The following NAALADL2 variants were observed in gnomAD, a reference collection of about 807,000 sequenced individuals.
NAALADL2 encodes the protein N-acetylated alpha-linked acidic dipeptidase like 2.
Under a neutral mutation model 87.2 loss-of-function variants are expected in NAALADL2, and 76 were observed. The observed-to-expected ratio is 0.87, with a 90% CI of 0.72 to 1.05. The LOEUF (loss-of-function observed/expected upper bound fraction) is 1.05, where lower values mean the gene tolerates loss of function less well. NAALADL2 is among the 50% of genes least tolerant of loss of function. The pLI is 0.00. For synonymous variants in NAALADL2, 354 were observed against 331.0 expected, an observed-to-expected ratio of 1.07 and a Z score of -0.75; for missense variants, 1,089 against 945.8, an observed-to-expected ratio of 1.15 and a Z score of -1.99.
At chr3:175,753,356 T>A (rs561747162) in intron 12 of NAALADL2, among the ~76,000 whole-genome samples, 1 of 152,314 alleles carries the variant, frequency 6.6e-6, no homozygotes, top group East Asian at 1.9e-4. Flanking sequence ...ATAAAACTAC[T>A]TATCTCTTTA....
chr3:175,362,794 C>T (rs7619963), intron 5 of NAALADL2, among the ~76,000 whole-genome samples: 3,236 of 147,918 alleles, frequency 0.022, 298 homozygotes, highest in African/African-American at 0.076. Context: ...TTTGCATTCC[C>T]GCCAGCAGTG....
At chr3:175,708,221 C>T (rs1297071412) in intron 11 of NAALADL2, among the ~76,000 whole-genome samples, 3 of 152,034 alleles carry the variant, frequency 2.0e-5, no homozygotes, top group Non-Finnish European at 2.9e-5. Context: ...TAGAAGTGAT[C>T]TTAAGAACAA....
At chr3:174,902,174 CT>C (rs1428866220) in intron 1 of NAALADL2, among the ~76,000 whole-genome samples, 4 of 152,100 alleles carry the variant, frequency 2.6e-5, no homozygotes, top group African/African-American at 9.7e-5. Context: ...TAGCTAAACC[CT>C]TTTGTCCCAT....
intron 3 of NAALADL2, among the ~76,000 whole-genome samples, chr3:174,787,478 G>T (rs1288292228): frequency 1.3e-5 from 2 of 148,676 alleles, no homozygotes; most frequent in African/African-American, 2.5e-5. Flanking sequence ...AACAGGATTT[G>T]CCAGGAATAA....
intron 1 of NAALADL2, among the ~76,000 whole-genome samples, chr3:174,972,016 A>G (rs1743747580): frequency 6.6e-6 from 1 of 151,996 alleles, no homozygotes; most frequent in African/African-American, 2.4e-5. Context: ...TTTCACCTAC[A>G]TAACATACTA....
rs1719884693 is a variant in NAALADL2, at chr3:174,611,567, T to G, written c.-115+60930T>G. 2.0e-5 allele frequency among the ~76,000 whole-genome samples: 3 copies of G among 152,196 alleles called. No homozygotes were observed. The South Asian group carries it at 6.2e-4, about 32-fold the overall frequency. ...TGCACTTACTATTGCCCATGAGTTT[T>G]GTAGCTTCGATTATTTCTTTTTTGT... On this transcript the variant is annotated intron_variant, in intron 2 of 3. Coordinates refer to the NAALADL2 transcript ENST00000434257.
intron 2 of NAALADL2, among the ~76,000 whole-genome samples, chr3:174,675,146 C>T (rs1328012375): frequency 6.6e-6 from 1 of 152,008 alleles, no homozygotes; most frequent in African/African-American, 2.4e-5. Context: ...ATATGAACTT[C>T]AAGAGATGGT....
intron 2 of NAALADL2, among the ~76,000 whole-genome samples, chr3:175,120,316 T>G (rs748609970): frequency 1.3e-5 from 2 of 151,828 alleles, no homozygotes; most frequent in Admixed American, 6.6e-5. Context: ...TATGTTTTTC[T>G]GGCATTAAAA....
At chr3:175,380,451 G>T (rs1482607409) in intron 5 of NAALADL2, among the ~76,000 whole-genome samples, 1 of 151,908 alleles carries the variant, frequency 6.6e-6, no homozygotes, top group African/African-American at 2.4e-5. Context: ...TACCATTTAG[G>T]TCTCATTTTT....
intron 2 of NAALADL2, among the ~76,000 whole-genome samples, chr3:174,655,761 A>C (rs940215851): frequency 5.9e-5 from 9 of 152,302 alleles, no homozygotes; most frequent in African/African-American, 2.2e-4. Context: ...TACTGTCTAT[A>C]TTTAGCTATT....
intron 3 of NAALADL2, among the ~76,000 whole-genome samples, chr3:174,786,075 C>A (rs191936313): frequency 5.9e-5 from 9 of 152,176 alleles, no homozygotes; most frequent in Admixed American, 5.9e-4. Flanking sequence ...CAGGGCACAG[C>A]CAGGAACTCT....
intron 11 of NAALADL2, among the ~76,000 whole-genome samples, chr3:175,698,475 A>G (rs905429005): frequency 1.3e-4 from 14 of 110,770 alleles, no homozygotes; most frequent in African/African-American, 4.0e-4. Context: ...ATATGTGTGT[A>G]TATATATTTA....
chr3:174,610,978 T>C (rs370721744), intron 2 of NAALADL2, among the ~76,000 whole-genome samples: 12 of 152,088 alleles, frequency 7.9e-5, no homozygotes, highest in Non-Finnish European at 1.5e-5. Flanking sequence ...TGGAATACTA[T>C]GCAGCCATAA....
intron 5 of NAALADL2, among the ~76,000 whole-genome samples, chr3:175,340,577 C>G (rs1166269498): frequency 6.6e-6 from 1 of 152,138 alleles, no homozygotes; most frequent in African/African-American, 2.4e-5. Flanking sequence ...GAAGGCAGTT[C>G]TCAGCAGGGA....
intron 1 of NAALADL2, among the ~76,000 whole-genome samples, chr3:175,011,922 T>C (rs550021065): frequency 6.6e-6 from 1 of 152,244 alleles, no homozygotes; most frequent in East Asian, 1.9e-4. Context: ...TGTTAAAGCA[T>C]GCAAAAACTG....
rs561492737 is a variant in NAALADL2, at chr3:175,419,223, AG to A, written c.1091-28003del. 2.3e-3 allele frequency among the ~76,000 whole-genome samples: 343 copies of A among 151,992 alleles called. 1 individual carries two copies. Among genetic ancestry groups the A allele is most frequent in the African/African-American group, 7.9e-3 (327 of 41,506 alleles). On this transcript the variant is annotated intron_variant, in intron 5 of 13. Coordinates refer to ENST00000454872, the MANE Select transcript of NAALADL2 (RefSeq NM_207015.3). ...GTATCCTTCTCAGTTGCATATGACA[AG>A]GGTTTTTGAAATTCTTGTCCTGAAG...
At chr3:175,096,495 CGTGTGTGTGTGTGTGTGTGT>C (rs3067035) in intron 1 of NAALADL2, among the ~76,000 whole-genome samples, 3 of 143,228 alleles carry the variant, frequency 2.1e-5, no homozygotes, top group East Asian at 4.2e-4. Flanking sequence ...ATTAATGGGG[CGTGTGTGTGTGTGTGTGTGT>C]GTGTGTGTGT....
chr3:175,137,354 A>G (rs1729263728), intron 2 of NAALADL2, among the ~76,000 whole-genome samples: 1 of 152,120 alleles, frequency 6.6e-6, no homozygotes, highest in South Asian at 2.1e-4. Context: ...TTAGAATTTC[A>G]TAACACATTA....
At chr3:174,920,425 C>G (rs901207048) in intron 1 of NAALADL2, among the ~76,000 whole-genome samples, 2 of 152,158 alleles carry the variant, frequency 1.3e-5, no homozygotes, top group African/African-American at 4.8e-5. Context: ...GCGATGGTTT[C>G]TTTTGTTAAA....
Sources: gnomAD v4.1 joint callset for allele counts (sites outside exome capture counted in the v4.1 genomes callset) on GRCh38, gnomAD v4.1.1 for gene constraint, MANE v1.5 for transcripts, NCBI Gene and HGNC (gene_info 2026-07-23, HGNC 2026-07-21) for gene names.